MRC1: variants seen among roughly 807,000 people sequenced by gnomAD.
The protein encoded by MRC1 is mannose receptor C-type 1.
In MRC1, 62 loss-of-function variants were observed where a neutral mutation model predicts 102.9. That is an observed-to-expected ratio of 0.60 (90% CI 0.49 to 0.74). The LOEUF (loss-of-function observed/expected upper bound fraction) is 0.74, where lower values mean the gene tolerates loss of function less well. Ranked by LOEUF, MRC1 falls within the 30% of genes least tolerant of loss-of-function variation. MRC1 has a pLI of 0.00. For missense variants in MRC1, 1,237 were observed against 862.8 expected (o/e 1.43, Z -5.43); for synonymous variants, 457 against 298.4 (o/e 1.53, Z -5.48).
rs954165914 is a variant in MRC1, at chr10:17,900,968, A to G, written c.3649+15A>G. ...AAGATCAGATGGTAATTGAATATAT[A>G]AAAACAGTCAGGGGATCTGAAAATT... On this transcript the variant is annotated intron_variant, in intron 25 of 29. Coordinates refer to ENST00000569591, the MANE Select transcript of MRC1 (RefSeq NM_002438.4). 3 of 778,614 alleles carry G rather than the reference A, an allele frequency of 3.9e-6. No homozygotes were observed. The highest frequency in any genetic ancestry group is 3.4e-5 in the African/African-American group (2 of 59,034). 48.2% of individuals were successfully genotyped at this position (778,614 alleles called of 1,614,324 possible). A position where few individuals can be genotyped will look rare whatever the true frequency, so the allele number is the denominator to read the frequency against.
chr10:17,867,729 G>C (rs923807864), intron 12 of MRC1, among the ~76,000 whole-genome samples: 6 of 152,068 alleles, frequency 3.9e-5, no homozygotes, highest in African/African-American at 1.4e-4. Context: ...GCCTCTTTTC[G>C]TCTTGATAGA....
chr10:17,809,909 C>A (rs1401053911), intron 1 of MRC1, among the ~76,000 whole-genome samples: 1 of 152,186 alleles, frequency 6.6e-6, no homozygotes, highest in African/African-American at 2.4e-5. Context: ...CCAACAAACA[C>A]CTTCTGAGTG....
At chr10:17,909,466 C>T (rs951186919) in intron 29 of MRC1, 119 bp downstream of exon 29, 1 of 708,150 alleles carries the variant, frequency 1.4e-6, no homozygotes, top group Non-Finnish European at 2.6e-6. Flanking sequence ...TTTGCTTAAG[C>T]TAAACTATCC....
rs368257559 is a variant in MRC1 at position 17,840,773 on chromosome 10, C to G, written c.883C>G (p.Arg295Gly). 3 of 780,670 alleles carry G rather than the reference C, an allele frequency of 3.8e-6. No homozygotes were observed. The highest frequency in any genetic ancestry group is 3.4e-5 in the African/African-American group (2 of 59,114). The allele number at this position is 780,670 out of a possible 1,614,324, so 48.4% of individuals were successfully genotyped here. A position where few individuals can be genotyped will look rare whatever the true frequency, so the allele number is the denominator to read the frequency against. The change falls in exon 5 of 30, where the codon CGC becomes GGC. Residue 295 changes from arginine (R) to glycine (G), a missense_variant. Arg to Gly is a moderately radical substitution (Grantham distance 125). Transcript: ENST00000569591. ...SFNSGWQWSD[R>G]SPFRYLNWLP... Reference sequence around the variant, plus strand: ...CAACAGCGGTTGGCAGTGGAGTGACCGCAGTCCTTTCCGATATTTGAACTG... The same window carrying G: ...CAACAGCGGTTGGCAGTGGAGTGACGGCAGTCCTTTCCGATATTTGAACTG...
intron 17 of MRC1, 136 bp from the exon 18 acceptor site, chr10:17,877,764 A>T (rs1833457105): frequency 6.7e-6 from 5 of 744,278 alleles, no homozygotes; most frequent in African/African-American, 5.2e-5. Context: ...ATAATATAGA[A>T]TGTACTACAT....
intron 4 of MRC1, 144 bp downstream of exon 4, chr10:17,833,983 TA>T (rs1838622572): frequency 1.6e-6 from 1 of 635,890 alleles, no homozygotes; most frequent in South Asian, 1.9e-5. Flanking sequence ...GACAAATCTG[TA>T]CTCTGAAAAT....
At chr10:17,884,655 C>T (rs1438190404) in intron 21 of MRC1, among the ~76,000 whole-genome samples, 1 of 152,152 alleles carries the variant, frequency 6.6e-6, no homozygotes, top group Non-Finnish European at 1.5e-5. Flanking sequence ...AAGAACTCAT[C>T]TCATTCACTA....
At chr10:17,850,719 A>G (rs1462116373) in intron 7 of MRC1, among the ~76,000 whole-genome samples, 2 of 151,966 alleles carry the variant, frequency 1.3e-5, no homozygotes, top group Non-Finnish European at 2.9e-5. Context: ...GATGGTGGAG[A>G]TGGTGGAGAC....
chr10:17,907,447 C>G, intron 27 of MRC1, 87 bp from the exon 28 acceptor site: 1 of 774,028 alleles, frequency 1.3e-6, no homozygotes, highest in South Asian at 1.4e-5. Context: ...AAAGAATATG[C>G]TTAGAAATTT....
At chr10:17,861,759 G>A (rs1278880580) in intron 10 of MRC1, among the ~76,000 whole-genome samples, 1 of 152,096 alleles carries the variant, frequency 6.6e-6, no homozygotes, top group East Asian at 1.9e-4. Context: ...GTAGTTTATG[G>A]AGCTAACTTT....
intron 24 of MRC1, 114 bp downstream of exon 24, chr10:17,898,380 C>T (rs1333653702): frequency 2.6e-6 from 2 of 765,928 alleles, no homozygotes; most frequent in Admixed American, 3.4e-5. Flanking sequence ...CTGTGCTAGG[C>T]AATGTGAATG....
At chr10:17,824,353 G>C (rs1838442148) in intron 2 of MRC1, among the ~76,000 whole-genome samples, 2 of 152,198 alleles carry the variant, frequency 1.3e-5, no homozygotes, top group South Asian at 2.1e-4. Context: ...CAAGGTCAGA[G>C]AAAGAGCCTA....
rs1014450228 is a variant in MRC1, at chr10:17,900,752, A to G, written c.3484-36A>G. 23 of 780,648 alleles carry G rather than the reference A, an allele frequency of 2.9e-5. 1 individual carries two copies. The highest frequency in any genetic ancestry group is 2.8e-4 in the South Asian group (21 of 74,604). 48.4% of individuals were successfully genotyped at this position (780,648 alleles called of 1,614,324 possible). A position where few individuals can be genotyped will look rare whatever the true frequency, so the allele number is the denominator to read the frequency against. On this transcript the variant is annotated intron_variant, in intron 24 of 29. Transcript: ENST00000569591. ...TCTTTTAGTATTTTCTAAATGAAGCAAGGCTGCATGTTAATGCTTGTTTTT... is the reference window on the plus strand; with the variant it reads ...TCTTTTAGTATTTTCTAAATGAAGCGAGGCTGCATGTTAATGCTTGTTTTT...
intron 24 of MRC1, among the ~76,000 whole-genome samples, chr10:17,898,560 C>T (rs1387674431): frequency 3.3e-5 from 5 of 152,162 alleles, no homozygotes; most frequent in South Asian, 2.1e-4. Flanking sequence ...TTAATTTATT[C>T]GCTTATTGCT....
At chr10:17,838,066 C>A (rs939084310) in intron 4 of MRC1, among the ~76,000 whole-genome samples, 2 of 151,984 alleles carry the variant, frequency 1.3e-5, no homozygotes, top group Non-Finnish European at 1.5e-5. Flanking sequence ...GATGAGATAA[C>A]AGACTAGGAG....
At chr10:17,832,175 A>G (rs1838584315) in intron 3 of MRC1, among the ~76,000 whole-genome samples, 1 of 151,544 alleles carries the variant, frequency 6.6e-6, no homozygotes, top group Admixed American at 6.6e-5. Context: ...GAAAGACCAA[A>G]CTAGAATGTG....
At chr10:17,872,946 T>A (rs1182038300) in intron 15 of MRC1, among the ~76,000 whole-genome samples, 2 of 152,246 alleles carry the variant, frequency 1.3e-5, no homozygotes, top group Non-Finnish European at 2.9e-5. Context: ...GATGACTTAC[T>A]GCTCTGTTTA....
At chr10:17,883,486 A>G (rs1377230592) in intron 21 of MRC1, among the ~76,000 whole-genome samples, 1 of 147,402 alleles carries the variant, frequency 6.8e-6, no homozygotes, top group Non-Finnish European at 1.5e-5. Flanking sequence ...TTTTTTTTTT[A>G]AATCCTTAAT....
chr10:17,864,627 G>A (rs1221531564), intron 11 of MRC1, among the ~76,000 whole-genome samples: 2 of 151,828 alleles, frequency 1.3e-5, no homozygotes, highest in African/African-American at 4.8e-5. Context: ...TCAGTAGTTC[G>A]AGACTAGCCT....
Sources: gnomAD v4.1 joint callset for allele counts (sites outside exome capture counted in the v4.1 genomes callset) on GRCh38, gnomAD v4.1.1 for gene constraint, MANE v1.5 for transcripts, NCBI Gene and HGNC (gene_info 2026-07-23, HGNC 2026-07-21) for gene names.